Variants in SPTAN1 observed in about 807,000 individuals in gnomAD.
The protein encoded by SPTAN1 is spectrin alpha chain, non-erythrocytic 1.
SPTAN1 carries 61 observed loss-of-function variants against 331.3 expected under a neutral mutation model. That is an observed-to-expected ratio of 0.18 (90% CI 0.15 to 0.23). SPTAN1 has a LOEUF of 0.23. Ranked by LOEUF, SPTAN1 falls within the 10% of genes least tolerant of loss-of-function variation. The pLI, the probability that SPTAN1 is intolerant of heterozygous loss-of-function variation, is 1.00. For missense variants in SPTAN1, 2,043 were observed against 3,147.9 expected, an observed-to-expected ratio of 0.65 and a Z score of 8.40; for synonymous variants, 1,153 against 1,173.9, an observed-to-expected ratio of 0.98 and a Z score of 0.36.
Position 128,569,054 on chromosome 9 carries a change from T to C in SPTAN1, c.363+157T>C, listed in dbSNP as rs1277961723. Reference sequence around the variant, plus strand: ...TAAGAAGTTACCCGAATCCTGCCTTTGTAATATGACAGCATGAATGCAAGC... The same window carrying C: ...TAAGAAGTTACCCGAATCCTGCCTTCGTAATATGACAGCATGAATGCAAGC... On this transcript the variant is annotated intron_variant, in intron 3 of 56. Coordinates refer to ENST00000372739, the MANE Select transcript of SPTAN1 (RefSeq NM_001130438.3). Among the ~76,000 whole-genome samples the C allele has an allele frequency of 2.0e-5, 3 of 152,208 alleles. No individual in the cohort carries two copies. In the East Asian group the frequency reaches 5.8e-4, roughly 29 times the overall value.
intron 29 of SPTAN1, 101 bp from the exon 30 acceptor site, chr9:128,604,933 A>C: frequency 2.4e-6 from 3 of 1,238,954 alleles, no homozygotes; most frequent in Non-Finnish European, 3.3e-6. Flanking sequence ...ACTCCATCTC[A>C]GTAAATAAAT....
At chr9:128,578,835 G>A (rs201348060) in intron 9 of SPTAN1, among the ~76,000 whole-genome samples, 2,330 of 118,188 alleles carry the variant, frequency 0.02, no homozygotes, top group Non-Finnish European at 0.025. Context: ...CTGTCTCAAA[G>A]AAAAAAAAAA....
At position 128,632,235 on chromosome 9, in the gene SPTAN1, A is replaced by G; in HGVS notation, c.6871A>G (p.Ser2291Gly). 6.2e-7 allele frequency: 1 copy of G among 1,613,384 alleles called. No individual in the cohort carries two copies. The highest frequency in any genetic ancestry group is 8.5e-7 in the Non-Finnish European group (1 of 1,179,928). The change falls in exon 53 of 57, where the codon AGC becomes GGC. Residue 2291 changes from serine to glycine, a missense_variant. Transcript: ENST00000372739. Reference protein sequence around the residue: ...LILDNKYTEHSTVGLAQQWDQ... With the variant: ...LILDNKYTEHGTVGLAQQWDQ... Reference sequence around the variant, plus strand: ...CCTGGACAACAAGTACACGGAGCACAGCACCGTGGGCCTCGCCCAGCAGTG... The same window carrying G: ...CCTGGACAACAAGTACACGGAGCACGGCACCGTGGGCCTCGCCCAGCAGTG...
intron 37 of SPTAN1, among the ~76,000 whole-genome samples, chr9:128,610,355 A>T (rs1856427421): frequency 6.6e-6 from 1 of 152,178 alleles, no homozygotes; most frequent in South Asian, 2.1e-4. Context: ...GGAACAGAAG[A>T]AGAGGGTAAT....
intron 1 of SPTAN1, chr9:128,555,361 T>G (rs896463760): frequency 1.6e-6 from 2 of 1,289,418 alleles, no homozygotes; most frequent in African/African-American, 1.5e-5. Context: ...TCCACATTCC[T>G]CCATCATGTT....
At chr9:128,560,382 CTT>C (rs1366002329) in intron 1 of SPTAN1, among the ~76,000 whole-genome samples, 32 of 128,392 alleles carry the variant, frequency 2.5e-4, no homozygotes, top group Admixed American at 3.9e-4. Flanking sequence ...CCGTGCCCGC[CTT>C]TTTTTTTTTT....
chr9:128,606,066 A>G (rs1855806223), intron 31 of SPTAN1, among the ~76,000 whole-genome samples: 1 of 151,996 alleles, frequency 6.6e-6, no homozygotes, highest in Non-Finnish European at 1.5e-5. Context: ...ACTGAATGCC[A>G]TATTGTTAAA....
chr9:128,589,047 A>C, intron 21 of SPTAN1, 104 bp downstream of exon 21: 1 of 1,498,662 alleles, frequency 6.7e-7, no homozygotes, highest in Non-Finnish European at 9.0e-7. Flanking sequence ...GAGAAGGCTT[A>C]GAATTCAAAG....
In SPTAN1 at chr9:128,578,100, T is replaced by G. The variant is rs199733653; in HGVS notation, c.1086-10T>G. On this transcript the variant is annotated splice_polypyrimidine_tract_variant and intron_variant, in intron 8 of 56. Coordinates refer to ENST00000372739, the MANE Select transcript of SPTAN1 (RefSeq NM_001130438.3). ...CTGGAAACATAATGTCTTCCTTTGG[T>G]TTTCCCTAGGCTTCAACGCTTCCTT... 5.6e-6 allele frequency: 9 copies of G among 1,614,074 alleles called. No individual in the cohort carries two copies. Among genetic ancestry groups the G allele is most frequent in the Non-Finnish European group, 7.6e-6 (9 of 1,179,976 alleles).
chr9:128,593,627 C>A (rs1853830681), intron 23 of SPTAN1: 1 of 193,886 alleles, frequency 5.2e-6, no homozygotes, highest in Admixed American at 5.3e-5. Context: ...CCTGATTTTC[C>A]TTCTGAACTT....
chr9:128,566,135 C>A (rs1324830872), intron 1 of SPTAN1, among the ~76,000 whole-genome samples: 1 of 152,204 alleles, frequency 6.6e-6, no homozygotes, highest in Non-Finnish European at 1.5e-5. Context: ...TGGCTCACTG[C>A]AGTCTTGAAC....
chr9:128,567,569 G>A (rs535380082), intron 2 of SPTAN1, among the ~76,000 whole-genome samples: 2 of 152,270 alleles, frequency 1.3e-5, no homozygotes, highest in African/African-American at 4.8e-5. Context: ...GATTACAGGC[G>A]TGAGCCACCA....
At position 128,625,160 on chromosome 9, in the gene SPTAN1, A is replaced by G. The variant is rs1276334266; in HGVS notation, c.6050A>G (p.Gln2017Arg). The stretch of plus-strand genomic sequence containing the variant: ...TATGGCCGAGACCTGTCTTCTGTGC[A>G]GACGCTCCTCACCAAACAGGTCTGC... ...DDYGRDLSSVQTLLTKQETFD... is the reference protein window; with the variant it reads ...DDYGRDLSSVRTLLTKQETFD... Residue 2017 changes from glutamine to arginine, a missense_variant, in exon 47 of 57, where the codon CAG becomes CGG. Coordinates refer to ENST00000372739, the MANE Select transcript of SPTAN1 (RefSeq NM_001130438.3). The surrounding 1 kb of genome is among the most constrained non-coding windows in gnomAD (Gnocchi z 4.1). 1 of 1,614,212 alleles carries G rather than the reference A, an allele frequency of 6.2e-7. No individual in the cohort carries two copies. Among genetic ancestry groups the G allele is most frequent in the South Asian group, 1.1e-5 (1 of 91,084 alleles).
chr9:128,606,496 TTG>T (rs1855895229), intron 31 of SPTAN1, among the ~76,000 whole-genome samples: 1 of 126,516 alleles, frequency 7.9e-6, no homozygotes, highest in African/African-American at 2.9e-5. Flanking sequence ...TATTTTTTTT[TTG>T]GGGGGGGAAG....
In SPTAN1 at chr9:128,574,656, T is replaced by C. The variant is rs200978151; in HGVS notation, c.364-19T>C. ...GAGCCAGTTGTGATCTGATTAAAAC[T>C]CTGATTTGAAACTTTCAGACCCGTT... On this transcript the variant is annotated intron_variant, in intron 3 of 56. Coordinates refer to ENST00000372739, the MANE Select transcript of SPTAN1 (RefSeq NM_001130438.3). The C allele has an allele frequency of 1.4e-5, 23 of 1,614,110 alleles. No individual in the cohort carries two copies. In the Admixed American group the frequency reaches 3.8e-4, roughly 27 times the overall value.
intron 37 of SPTAN1, 81 bp from the exon 38 acceptor site, chr9:128,611,633 C>T: frequency 1.3e-6 from 2 of 1,561,040 alleles, no homozygotes; most frequent in South Asian, 2.2e-5. Flanking sequence ...CTGCCACTCC[C>T]TGCCTCTGAG....
intron 28 of SPTAN1, among the ~76,000 whole-genome samples, chr9:128,603,859 A>G (rs925751255): frequency 6.6e-6 from 1 of 152,242 alleles, no homozygotes; most frequent in Non-Finnish European, 1.5e-5. Flanking sequence ...GAAGGAGCAC[A>G]GTCTCAGTAA....
chr9:128,618,734 C>T (rs1448869669), intron 43 of SPTAN1, 137 bp from the exon 44 acceptor site: 28 of 1,269,566 alleles, frequency 2.2e-5, no homozygotes, highest in African/African-American at 2.9e-5. Flanking sequence ...CTGCCCGCCT[C>T]GGCCTCCCAA....
At chr9:128,609,339 A>G (rs560499917) in intron 36 of SPTAN1, 55 bp downstream of exon 36, 8 of 1,611,534 alleles carry the variant, frequency 5.0e-6, no homozygotes, top group Non-Finnish European at 5.9e-6. Flanking sequence ...TATTGAGTAG[A>G]TTTTGTTAAA....
Sources: gnomAD v4.1 joint callset for allele counts (sites outside exome capture counted in the v4.1 genomes callset) on GRCh38, gnomAD v4.1.1 for gene constraint, Gnocchi (gnomAD v3.1) non-coding constraint, MANE v1.5 for transcripts, NCBI Gene and HGNC (gene_info 2026-07-23, HGNC 2026-07-21) for gene names.